The following HDAC9 variants were observed in gnomAD, a reference collection of about 807,000 sequenced individuals.
HDAC9 encodes histone deacetylase 9, also known as MEF-2 interacting transcription repressor (MITR) protein.
HDAC9 carries 41 observed loss-of-function variants against 139.4 expected under a neutral mutation model. That is an observed-to-expected ratio of 0.29 (90% CI 0.23 to 0.38). The LOEUF (loss-of-function observed/expected upper bound fraction) is 0.38, where lower values mean the gene tolerates loss of function less well. Among genes scored for constraint, HDAC9 ranks in the 10% least tolerant of loss-of-function variants. The pLI is 1.00. For missense variants in HDAC9, 1,147 were observed against 1,297.0 expected (o/e 0.88, Z 1.78); for synonymous variants, 517 against 476.2 (o/e 1.09, Z -1.12).
intron 2 of HDAC9, among the ~76,000 whole-genome samples, chr7:18,531,537 A>G (rs1808941522): frequency 6.6e-6 from 1 of 152,176 alleles, no homozygotes. Context: ...ACCTTATAAA[A>G]ATATAAAAAG....
At chr7:18,677,770 A>G (rs116641515) in intron 12 of HDAC9, among the ~76,000 whole-genome samples, 1,895 of 152,030 alleles carry the variant, frequency 0.012, 45 homozygotes, top group African/African-American at 0.043. Context: ...CTACATATGT[A>G]TGTTACAAAT....
rs142761908 is a variant in HDAC9, at chr7:18,915,054, T to A, written c.2804-20755T>A. Among the ~76,000 whole-genome samples the A allele has an allele frequency of 4.2e-3, 639 of 152,210 alleles. 3 individuals carry two copies. Among genetic ancestry groups the A allele is most frequent in the African/African-American group, 0.014 (579 of 41,562 alleles). On this transcript the variant is annotated intron_variant, in intron 22 of 25. Coordinates refer to ENST00000686413, the MANE Select transcript of HDAC9 (RefSeq NM_178425.4). ...TGTGTATCTTGTTCAAATAAAGATA[T>A]ATGACCACTGACTGACAACAATAAA...
At chr7:18,192,057 A>T (rs1790384104) in intron 2 of HDAC9, among the ~76,000 whole-genome samples, 1 of 152,200 alleles carries the variant, frequency 6.6e-6, no homozygotes, top group African/African-American at 2.4e-5. Context: ...TGCAAAAGTC[A>T]ACTCATTTTT....
chr7:18,605,935 C>T (rs1835367438), intron 6 of HDAC9, among the ~76,000 whole-genome samples: 1 of 152,150 alleles, frequency 6.6e-6, no homozygotes, highest in South Asian at 2.1e-4. Context: ...CCACCTCGGC[C>T]TCCGAAAGTG....
chr7:18,654,866 G>A (rs190304459), intron 11 of HDAC9, among the ~76,000 whole-genome samples: 2 of 152,276 alleles, frequency 1.3e-5, no homozygotes, highest in East Asian at 3.9e-4. Flanking sequence ...ACGTGGACCT[G>A]ACGGTGAGAC....
At chr7:18,788,790 G>A (rs1254792433) in intron 16 of HDAC9, among the ~76,000 whole-genome samples, 1 of 149,622 alleles carries the variant, frequency 6.7e-6, no homozygotes, top group Non-Finnish European at 1.5e-5. Flanking sequence ...ATCAACCAAA[G>A]TGAAGGCTCA....
At chr7:18,482,561 A>G (rs923097609) in intron 1 of HDAC9, among the ~76,000 whole-genome samples, 5 of 152,068 alleles carry the variant, frequency 3.3e-5, no homozygotes, top group African/African-American at 1.2e-4. Flanking sequence ...AATCTTACAA[A>G]TGATTATTAC....
chr7:18,548,237 T>C lies in HDAC9; in HGVS notation c.23-37044T>C, dbSNP rs189399139. Among the ~76,000 whole-genome samples the C allele has an allele frequency of 2.7e-4, 41 of 152,218 alleles. No homozygotes were observed. In the East Asian group the frequency reaches 7.7e-3, roughly 29 times the overall value. ...CATTTACAGATTAAGTTCGCCGTCT[T>C]ATATGGGTGTGGTTCGTGGTGCTCC... On this transcript the variant is annotated intron_variant, in intron 2 of 25. Transcript: ENST00000686413.
chr7:18,515,765 A>C (rs917136927), intron 2 of HDAC9, among the ~76,000 whole-genome samples: 7 of 152,376 alleles, frequency 4.6e-5, no homozygotes, highest in African/African-American at 1.7e-4. Context: ...ATTGGTTGAC[A>C]TATAATAATT....
At chr7:18,245,801 C>T (rs527775969) in intron 2 of HDAC9, among the ~76,000 whole-genome samples, 10 of 152,188 alleles carry the variant, frequency 6.6e-5, no homozygotes, top group Non-Finnish European at 8.8e-5. Context: ...GTTTTGTGCT[C>T]GTTTGTTCAC....
At chr7:18,835,847 T>G (rs1467505691) in intron 20 of HDAC9, 53 bp from the exon 21 acceptor site, 3 of 1,247,796 alleles carry the variant, frequency 2.4e-6, no homozygotes, top group Middle Eastern at 1.9e-4. Flanking sequence ...TCTTCTTGCT[T>G]TCTTCCATTT....
chr7:18,575,853 T>G (rs1284095459), intron 2 of HDAC9, among the ~76,000 whole-genome samples: 2 of 152,226 alleles, frequency 1.3e-5, no homozygotes, highest in Non-Finnish European at 2.9e-5. Context: ...ATTCATTCAT[T>G]CACACCACAC....
chr7:18,175,857 T>C (rs1399156985), intron 2 of HDAC9, among the ~76,000 whole-genome samples: 1 of 146,332 alleles, frequency 6.8e-6, no homozygotes, highest in Non-Finnish European at 1.5e-5. Flanking sequence ...TCCTCACATA[T>C]CATTGCATAA....
At chr7:18,491,276 A>G (rs549718725), upstream of HDAC9, among the ~76,000 whole-genome samples, 1 of 152,128 alleles carries the variant, frequency 6.6e-6, no homozygotes, top group East Asian at 1.9e-4. Context: ...AAACAAAACA[A>G]TACACTGTAC....
chr7:18,637,477 C>T (rs748113220), intron 8 of HDAC9, among the ~76,000 whole-genome samples: 2 of 152,024 alleles, frequency 1.3e-5, no homozygotes, highest in Non-Finnish European at 2.9e-5. Context: ...AACATATTCT[C>T]TCACTGCAAA....
intron 1 of HDAC9, among the ~76,000 whole-genome samples, chr7:18,297,974 T>C: frequency 6.6e-6 from 1 of 152,200 alleles, no homozygotes; most frequent in East Asian, 1.9e-4. Flanking sequence ...CACAGGCCAT[T>C]TAAATGTTAC....
intron 11 of HDAC9, among the ~76,000 whole-genome samples, chr7:18,656,355 A>G (rs1791180549): frequency 6.6e-6 from 1 of 152,186 alleles, no homozygotes; most frequent in African/African-American, 2.4e-5. Context: ...TTATCTATTA[A>G]CAACCATTAC....
intron 2 of HDAC9, among the ~76,000 whole-genome samples, chr7:18,516,275 C>A (rs1313847923): frequency 2.0e-5 from 3 of 152,116 alleles, no homozygotes; most frequent in Non-Finnish European, 4.4e-5. Context: ...ATTTAAAAGA[C>A]CTTTAAGAAG....
intron 1 of HDAC9, among the ~76,000 whole-genome samples, chr7:18,127,524 T>C (rs970603323): frequency 1.3e-5 from 2 of 152,166 alleles, no homozygotes; most frequent in African/African-American, 4.8e-5. Context: ...CCTGCTCAGG[T>C]AAACTTAAAC....
Sources: gnomAD v4.1 joint callset for allele counts (sites outside exome capture counted in the v4.1 genomes callset) on GRCh38, gnomAD v4.1.1 for gene constraint, MANE v1.5 for transcripts, NCBI Gene and HGNC (gene_info 2026-07-23, HGNC 2026-07-21) for gene names.